Variants in TMCO1 observed in about 807,000 individuals in gnomAD.
TMCO1 encodes the protein calcium load-activated calcium channel.
In TMCO1, 29 loss-of-function variants were observed where a neutral mutation model predicts 29.3. The ratio of observed to expected loss-of-function variants is 0.99; its 90% CI spans 0.74 to 1.35. The LOEUF (loss-of-function observed/expected upper bound fraction) is 1.35. Ranked by LOEUF, TMCO1 falls within the 40% of genes most tolerant of loss-of-function variation. The pLI, the probability that TMCO1 is intolerant of heterozygous loss-of-function variation, is 0.00. For missense variants in TMCO1, 173 were observed against 225.5 expected (o/e 0.77, Z 1.49); for synonymous variants, 80 against 77.1 (o/e 1.04, Z -0.20).
rs138736615 is a variant in TMCO1, at chr1:165,735,160, C to T, written c.469-7039G>A. ...CAATCTCTTTCTCTCCCTCTCACTTCCTCCTTCCTTTCCTCTTTCTCCCGT... is the reference window on the plus strand; with the variant it reads ...CAATCTCTTTCTCTCCCTCTCACTTTCTCCTTCCTTTCCTCTTTCTCCCGT... On this transcript the variant is annotated intron_variant, in intron 6 of 6. Coordinates refer to ENST00000367881, the MANE Select transcript of TMCO1 (RefSeq NM_019026.6). Among the ~76,000 whole-genome samples the T allele has an allele frequency of 4.1e-3, 618 of 152,330 alleles. 4 individuals carry two copies. Among genetic ancestry groups the T allele is most frequent in the African/African-American group, 0.013 (546 of 41,574 alleles).
chr1:165,767,681 C>T (rs1001202719), intron 2 of TMCO1, among the ~76,000 whole-genome samples: 1 of 152,096 alleles, frequency 6.6e-6, no homozygotes, highest in Non-Finnish European at 1.5e-5. Flanking sequence ...TGAATGAAGC[C>T]TCTTCTTCTT....
intron 5 of TMCO1, among the ~76,000 whole-genome samples, chr1:165,745,548 A>G (rs111785714): frequency 0.013 from 1,998 of 150,638 alleles, 53 homozygotes; most frequent in African/African-American, 0.047. Context: ...TCAGGAGGCT[A>G]AGGTAGGGGG....
rs1002735443 is a variant in TMCO1, at chr1:165,727,161, C to T, written c.*862G>A. 7 of 453,860 alleles carry T rather than the reference C, an allele frequency of 1.5e-5. No homozygotes were observed. The highest frequency in any genetic ancestry group is 2.0e-5 in the African/African-American group (1 of 49,952). The allele number at this position is 453,860 out of a possible 1,614,324, so 28.1% of individuals were successfully genotyped here. On this transcript the variant is annotated 3_prime_UTR_variant, in exon 7 of 7. Coordinates refer to ENST00000367881, the MANE Select transcript of TMCO1 (RefSeq NM_019026.6). ...CTATTGTGACTAAAAGGAAGCTCTG[C>T]GAGATTAACAACATATAACTATAAC...
downstream of TMCO1, chr1:165,725,084 T>C: frequency 2.5e-6 from 1 of 395,744 alleles, no homozygotes; most frequent in South Asian, 1.9e-5. Context: ...ATTTTTGAGA[T>C]TTTTCATTCT....
intron 6 of TMCO1, among the ~76,000 whole-genome samples, 165 bp downstream of exon 6, chr1:165,743,002 C>T (rs1382635038): frequency 6.6e-6 from 1 of 152,158 alleles, no homozygotes; most frequent in Non-Finnish European, 1.5e-5. Flanking sequence ...TCTAGACCTA[C>T]AGCCATTTAA....
chr1:165,734,829 G>A (rs575397533), intron 6 of TMCO1, among the ~76,000 whole-genome samples: 2 of 151,978 alleles, frequency 1.3e-5, no homozygotes, highest in African/African-American at 2.4e-5. Flanking sequence ...GTTTTGTTTT[G>A]TTTTGTTTTT....
chr1:165,736,729 AAAAAAC>A (rs1216615237), intron 6 of TMCO1, among the ~76,000 whole-genome samples: 2 of 140,838 alleles, frequency 1.4e-5, no homozygotes, highest in Admixed American at 7.2e-5. Flanking sequence ...TCAAAAAAAA[AAAAAAC>A]AAAAAACAAA....
intron 2 of TMCO1, among the ~76,000 whole-genome samples, chr1:165,765,217 A>T (rs573268108): frequency 6.6e-6 from 1 of 152,358 alleles, no homozygotes; most frequent in East Asian, 1.9e-4. Flanking sequence ...TAATAAAAGC[A>T]ACAGAAAAAA....
At chr1:165,738,305 A>G (rs1651463712) in intron 6 of TMCO1, among the ~76,000 whole-genome samples, 1 of 152,100 alleles carries the variant, frequency 6.6e-6, no homozygotes, top group Admixed American at 6.6e-5. Flanking sequence ...AAACAAACAA[A>G]CAACAACAAA....
At chr1:165,768,569 A>G (rs1652668941) in intron 1 of TMCO1, 113 bp downstream of exon 1, 1 of 1,584,836 alleles carries the variant, frequency 6.3e-7, no homozygotes, top group South Asian at 1.1e-5. Context: ...GAAGTGGAGT[A>G]GATGAGCCTC....
intron 2 of TMCO1, among the ~76,000 whole-genome samples, chr1:165,763,480 G>A (rs563934079): frequency 1.3e-5 from 2 of 152,250 alleles, no homozygotes; most frequent in South Asian, 4.1e-4. Context: ...ATTATCCAGA[G>A]TAGAGGACCT....
At position 165,752,175 on chromosome 1, in the gene TMCO1, A is replaced by G. The variant is rs1348996500; in HGVS notation, c.256-6T>C. ...AACATGGATTTCATTCGAACCTGTAATGAGACGAACAAATTGTCATTTTAC... is the reference window on the plus strand; with the variant it reads ...AACATGGATTTCATTCGAACCTGTAGTGAGACGAACAAATTGTCATTTTAC... On this transcript the variant is annotated splice_polypyrimidine_tract_variant and splice_region_variant and intron_variant, in intron 4 of 6. Coordinates refer to ENST00000367881, the MANE Select transcript of TMCO1 (RefSeq NM_019026.6). 1 of 1,611,944 alleles carries G rather than the reference A, an allele frequency of 6.2e-7. No homozygotes were observed. The highest frequency in any genetic ancestry group is 8.5e-7 in the Non-Finnish European group (1 of 1,178,266).
intron 5 of TMCO1, among the ~76,000 whole-genome samples, chr1:165,747,340 ATATTACT>A (rs148524022): frequency 0.08 from 12,099 of 151,800 alleles, 597 homozygotes; most frequent in Middle Eastern, 0.14. Flanking sequence ...AAAATATGAA[ATATTACT>A]TATACTTATT....
chr1:165,768,131 TG>T, intron 2 of TMCO1, 60 bp downstream of exon 2: 3 of 1,354,810 alleles, frequency 2.2e-6, no homozygotes, highest in Non-Finnish European at 3.2e-6. Context: ...ATATTTATTG[TG>T]AACATGGACT....
intron 4 of TMCO1, 131 bp from the exon 5 acceptor site, chr1:165,752,300 G>A (rs1652025839): frequency 1.4e-6 from 1 of 702,404 alleles, no homozygotes; most frequent in Non-Finnish European, 2.5e-6. Flanking sequence ...TGTCTCCCAG[G>A]CTGGAGTACA....
At position 165,749,803 on chromosome 1, in the gene TMCO1, G is replaced by C. The variant is rs186864575; in HGVS notation, c.323+2299C>G. On this transcript the variant is annotated intron_variant, in intron 5 of 6. Coordinates refer to ENST00000367881, the MANE Select transcript of TMCO1 (RefSeq NM_019026.6). The stretch of plus-strand genomic sequence containing the variant: ...TATTTTCCAAAAAAAGAGTTTAATA[G>C]CCTCTATATGTAAAAAACTCTTGTA... 1.8e-3 allele frequency among the ~76,000 whole-genome samples: 278 copies of C among 152,036 alleles called. 1 individual carries two copies. The highest frequency in any genetic ancestry group is 3.2e-3 in the Non-Finnish European group (218 of 67,962).
downstream of TMCO1, chr1:165,726,594 A>G (rs185118304): frequency 6.8e-4 from 311 of 459,198 alleles, 3 homozygotes; most frequent in African/African-American, 5.8e-3. Flanking sequence ...AAATGAAGGT[A>G]AGAACAGTAA....
At chr1:165,746,791 C>G (rs530438008) in intron 5 of TMCO1, among the ~76,000 whole-genome samples, 1 of 151,634 alleles carries the variant, frequency 6.6e-6, no homozygotes, top group East Asian at 1.9e-4. Flanking sequence ...ATTCATTGCA[C>G]AATAGAACTA....
chr1:165,754,929 G>A (rs1342850364), intron 3 of TMCO1: 2 of 152,582 alleles, frequency 1.3e-5, no homozygotes, highest in African/African-American at 4.8e-5. Flanking sequence ...AGGAGTTTGA[G>A]GCTGCAGTGG....
Sources: allele counts gnomAD v4.1 joint callset (sites outside exome capture counted in the v4.1 genomes callset), GRCh38; gene constraint gnomAD v4.1.1; transcripts MANE v1.5; gene names NCBI Gene and HGNC (gene_info 2026-07-23, HGNC 2026-07-21).